The following NELL1 variants were observed in gnomAD, a reference collection of about 807,000 sequenced individuals.
The protein encoded by NELL1 is neural EGFL like 1, also known as protein kinase C-binding protein NELL1.
Under a neutral mutation model 107.4 loss-of-function variants are expected in NELL1, and 76 were observed. That is an observed-to-expected ratio of 0.71 (90% CI 0.59 to 0.86). The LOEUF (loss-of-function observed/expected upper bound fraction) is 0.86. Among genes scored for constraint, NELL1 ranks in the 40% least tolerant of loss-of-function variants. The pLI is 0.00. For missense variants in NELL1, 1,024 were observed against 1,005.5 expected (o/e 1.02, Z -0.25); for synonymous variants, 353 against 341.2 (o/e 1.03, Z -0.38).
chr11:21,506,926 A>G (rs1051245536), intron 15 of NELL1, among the ~76,000 whole-genome samples: 2 of 152,212 alleles, frequency 1.3e-5, no homozygotes, highest in African/African-American at 4.8e-5. Context: ...GAAAAAGTAG[A>G]AAAATAAAGG....
intron 12 of NELL1, among the ~76,000 whole-genome samples, chr11:20,982,640 A>G (rs933846927): frequency 2.8e-4 from 43 of 152,242 alleles, no homozygotes; most frequent in African/African-American, 9.9e-4. Context: ...ATTTTGTAGA[A>G]GAGGAGGATC....
At chr11:20,926,506 C>T (rs1850499678) in intron 7 of NELL1, among the ~76,000 whole-genome samples, 1 of 152,120 alleles carries the variant, frequency 6.6e-6, no homozygotes, top group Non-Finnish European at 1.5e-5. Context: ...AGAGAGCTAA[C>T]TGAGAAAAGT....
At chr11:20,838,802 A>C (rs977715963) in intron 3 of NELL1, among the ~76,000 whole-genome samples, 2 of 152,158 alleles carry the variant, frequency 1.3e-5, no homozygotes, top group Non-Finnish European at 2.9e-5. Flanking sequence ...TCATTAGTAC[A>C]ATTACCATTA....
At chr11:20,900,872 A>G (rs1181642033) in intron 5 of NELL1, among the ~76,000 whole-genome samples, 9 of 152,120 alleles carry the variant, frequency 5.9e-5, no homozygotes, top group Non-Finnish European at 1.2e-4. Context: ...AAGGAGAAAA[A>G]AATCCAATGG....
At chr11:21,469,256 C>A (rs1472881906) in intron 15 of NELL1, among the ~76,000 whole-genome samples, 1 of 152,000 alleles carries the variant, frequency 6.6e-6, no homozygotes, top group East Asian at 1.9e-4. Flanking sequence ...CTTGCAATCA[C>A]AAGACCATTC....
chr11:20,722,186 A>G (rs1162155066), intron 2 of NELL1, among the ~76,000 whole-genome samples: 1 of 151,848 alleles, frequency 6.6e-6, no homozygotes, highest in African/African-American at 2.4e-5. Flanking sequence ...ACACCCAGCT[A>G]ATTTTTGTAT....
chr11:21,380,161 G>A (rs1371287283), intron 15 of NELL1, among the ~76,000 whole-genome samples: 1 of 151,976 alleles, frequency 6.6e-6, no homozygotes, highest in Non-Finnish European at 1.5e-5. Flanking sequence ...CTCAGTAAAT[G>A]GCAACTTCTA....
intron 5 of NELL1, among the ~76,000 whole-genome samples, chr11:20,909,388 G>A (rs1428191274): frequency 6.6e-6 from 1 of 152,106 alleles, no homozygotes; most frequent in Non-Finnish European, 1.5e-5. Context: ...GTGGACCTAG[G>A]TTGGGACCCA....
chr11:20,686,420 A>C (rs1483027722), intron 2 of NELL1, among the ~76,000 whole-genome samples: 1 of 152,156 alleles, frequency 6.6e-6, no homozygotes. Flanking sequence ...TAAAAGAAAA[A>C]CTTTAGACAA....
At chr11:21,257,777 C>A (rs1388835479) in intron 14 of NELL1, among the ~76,000 whole-genome samples, 1 of 151,922 alleles carries the variant, frequency 6.6e-6, no homozygotes, top group African/African-American at 2.4e-5. Context: ...GCTAAAGTGG[C>A]CACCTGAATG....
chr11:20,981,996 C>G (rs1052924128), intron 12 of NELL1, among the ~76,000 whole-genome samples: 2 of 151,588 alleles, frequency 1.3e-5, no homozygotes, highest in Non-Finnish European at 1.5e-5. Context: ...CTCTCTTTCT[C>G]CTTCTGACTT....
At chr11:20,880,926 A>T (rs1378517944) in intron 4 of NELL1, among the ~76,000 whole-genome samples, 1 of 152,138 alleles carries the variant, frequency 6.6e-6, no homozygotes, top group Non-Finnish European at 1.5e-5. Context: ...GGGAGTTTTT[A>T]AATTATTTTT....
intron 12 of NELL1, among the ~76,000 whole-genome samples, chr11:21,020,378 C>A (rs1852669156): frequency 1.3e-5 from 2 of 152,026 alleles, no homozygotes; most frequent in Non-Finnish European, 2.9e-5. Flanking sequence ...AACTCACAGG[C>A]AATAAGTAAA....
At chr11:21,356,959 T>C (rs899652711) in intron 14 of NELL1, among the ~76,000 whole-genome samples, 8 of 152,214 alleles carry the variant, frequency 5.3e-5, no homozygotes, top group Non-Finnish European at 1.2e-4. Context: ...CAACTCCATG[T>C]AGGTTGCTGC....
At chr11:21,307,647 C>A (rs901349191) in intron 14 of NELL1, among the ~76,000 whole-genome samples, 1 of 151,922 alleles carries the variant, frequency 6.6e-6, no homozygotes, top group African/African-American at 2.4e-5. Context: ...TAACCAGATC[C>A]TTAAAAATGG....
intron 11 of NELL1, among the ~76,000 whole-genome samples, chr11:20,950,405 T>C (rs1276556966): frequency 6.6e-6 from 1 of 152,222 alleles, no homozygotes; most frequent in African/African-American, 2.4e-5. Flanking sequence ...CCATGAATTT[T>C]GCTCCACATC....
At chr11:20,697,167 A>C (rs1186446553) in intron 2 of NELL1, among the ~76,000 whole-genome samples, 1 of 152,168 alleles carries the variant, frequency 6.6e-6, no homozygotes, top group Admixed American at 6.6e-5. Context: ...TGGCACAGAT[A>C]TTTAAGTTGA....
At chr11:21,449,996 C>A (rs1199303924) in intron 15 of NELL1, among the ~76,000 whole-genome samples, 1 of 152,080 alleles carries the variant, frequency 6.6e-6, no homozygotes, top group African/African-American at 2.4e-5. Context: ...CTTTGTTTTT[C>A]TTGTTAAAAA....
chr11:21,337,777 T>TTTCTTTCTTTCTTTCC (rs2133696955), intron 14 of NELL1, among the ~76,000 whole-genome samples: 1 of 123,380 alleles, frequency 8.1e-6, no homozygotes. Flanking sequence ...TCTTTCTTTC[T>TTTCTTTCTTTCTTTCC]TTCTTTCTTT....
Sources: gnomAD v4.1 joint callset for allele counts (sites outside exome capture counted in the v4.1 genomes callset) on GRCh38, gnomAD v4.1.1 for gene constraint, MANE v1.5 for transcripts, NCBI Gene and HGNC (gene_info 2026-07-23, HGNC 2026-07-21) for gene names.